The following SGCZ variants were observed in gnomAD, a reference collection of about 807,000 sequenced individuals.
SGCZ encodes zeta-sarcoglycan.
In SGCZ, 40 loss-of-function variants were observed where a neutral mutation model predicts 41.3. The observed-to-expected ratio is 0.97, with a 90% CI of 0.75 to 1.26. The LOEUF is 1.26. Among genes scored for constraint, SGCZ ranks in the 50% most tolerant of loss-of-function variants. The probability of loss-of-function intolerance (pLI) is 0.00; values close to 1 mark genes in which losing one functional copy is unlikely to be tolerated. For missense variants in SGCZ, 552 were observed against 369.8 expected, an observed-to-expected ratio of 1.49 and a Z score of -4.04; for synonymous variants, 206 against 137.5, an observed-to-expected ratio of 1.50 and a Z score of -3.49.
intron 1 of SGCZ, among the ~76,000 whole-genome samples, chr8:14,827,916 C>G (rs1201632385): frequency 6.6e-6 from 1 of 152,060 alleles, no homozygotes; most frequent in Non-Finnish European, 1.5e-5. Context: ...TACAAGGGAT[C>G]TTCAAATCAT....
intron 1 of SGCZ, among the ~76,000 whole-genome samples, chr8:14,880,635 G>A (rs1406737824): frequency 2.6e-5 from 4 of 152,244 alleles, no homozygotes; most frequent in Admixed American, 6.5e-5. Context: ...GAAAAACGAT[G>A]AGTTCATGTC....
chr8:14,344,216 C>A (rs1460658643), intron 2 of SGCZ, among the ~76,000 whole-genome samples: 1 of 151,680 alleles, frequency 6.6e-6, no homozygotes, highest in Non-Finnish European at 1.5e-5. Context: ...TAGAGGAGAC[C>A]AGTAGACCTT....
chr8:14,394,209 G>T (rs1309100148), intron 2 of SGCZ, among the ~76,000 whole-genome samples: 3 of 143,362 alleles, frequency 2.1e-5, no homozygotes. Flanking sequence ...GGAGTGCAGT[G>T]GCATGATCTC....
At chr8:14,326,120 A>AAAAAAAAAAAAC in intron 2 of SGCZ, among the ~76,000 whole-genome samples, 1 of 146,646 alleles carries the variant, frequency 6.8e-6, no homozygotes, top group Non-Finnish European at 1.5e-5. Flanking sequence ...TCAAAAAAAA[A>AAAAAAAAAAAAC]AAAAAAAAAA....
chr8:14,404,010 G>A (rs570780145), intron 2 of SGCZ, among the ~76,000 whole-genome samples: 19 of 152,108 alleles, frequency 1.2e-4, no homozygotes, highest in Admixed American at 8.5e-4. Flanking sequence ...GAGAAACAAG[G>A]AAAGAGAGAA....
intron 1 of SGCZ, among the ~76,000 whole-genome samples, chr8:14,893,270 T>A (rs1443956817): frequency 6.6e-6 from 1 of 152,004 alleles, no homozygotes; most frequent in South Asian, 2.1e-4. Flanking sequence ...AGCAAAGGAA[T>A]GTGGGGAGCT....
At chr8:14,900,391 C>T (rs1798933141) in intron 1 of SGCZ, among the ~76,000 whole-genome samples, 1 of 152,094 alleles carries the variant, frequency 6.6e-6, no homozygotes, top group African/African-American at 2.4e-5. Context: ...AGGCTGAAAG[C>T]TACCCCACAG....
chr8:15,231,729 C>A (rs1258637855), intron 1 of SGCZ, among the ~76,000 whole-genome samples: 1 of 142,108 alleles, frequency 7.0e-6, no homozygotes, highest in Non-Finnish European at 1.5e-5. Context: ...TCAAGCAATT[C>A]TCTCGCCTCA....
intron 1 of SGCZ, among the ~76,000 whole-genome samples, chr8:15,076,997 C>G (rs746647792): frequency 6.6e-6 from 1 of 152,020 alleles, no homozygotes; most frequent in South Asian, 2.1e-4. Flanking sequence ...ATAATTGCAG[C>G]GTGTCTCAAA....
chr8:14,248,722 G>T (rs889816602), intron 3 of SGCZ, among the ~76,000 whole-genome samples: 4 of 148,688 alleles, frequency 2.7e-5, no homozygotes, highest in African/African-American at 9.9e-5. Context: ...TTTCATTTAT[G>T]ATAATTACAT....
chr8:14,085,793 T>G lies in SGCZ; in HGVS notation c.*4650A>C, dbSNP rs1223959345. ...TGAAACAAAAGCATTCCTTAATTTATACAACTCAGGATCCTCCAAGAAGGA... is the reference window on the plus strand; with the variant it reads ...TGAAACAAAAGCATTCCTTAATTTAGACAACTCAGGATCCTCCAAGAAGGA... On this transcript the variant is annotated 3_prime_UTR_variant, in exon 8 of 8. Transcript: ENST00000382080. Among the ~76,000 whole-genome samples, 4 of 151,814 alleles carry G rather than the reference T, an allele frequency of 2.6e-5. No homozygotes were observed. Among genetic ancestry groups the G allele is most frequent in the Non-Finnish European group, 5.9e-5 (4 of 67,818 alleles).
intron 2 of SGCZ, among the ~76,000 whole-genome samples, chr8:14,481,127 A>G (rs1344573509): frequency 6.6e-6 from 1 of 152,166 alleles, no homozygotes; most frequent in Non-Finnish European, 1.5e-5. Flanking sequence ...AAATAACCCA[A>G]TTAAATAATG....
intron 1 of SGCZ, among the ~76,000 whole-genome samples, chr8:14,906,019 G>T (rs2130768430): frequency 6.6e-6 from 1 of 152,084 alleles, no homozygotes; most frequent in Non-Finnish European, 1.5e-5. Flanking sequence ...AATATATAAA[G>T]TATATCAAAA....
At chr8:15,020,660 T>C (rs1803216471) in intron 1 of SGCZ, among the ~76,000 whole-genome samples, 1 of 152,218 alleles carries the variant, frequency 6.6e-6, no homozygotes, top group South Asian at 2.1e-4. Flanking sequence ...TGCTCCTTTC[T>C]AATAGAGTGA....
intron 1 of SGCZ, among the ~76,000 whole-genome samples, chr8:14,575,913 C>T (rs78206491): frequency 8.5e-4 from 85 of 99,952 alleles, no homozygotes; most frequent in Non-Finnish European, 1.2e-3. Flanking sequence ...CTCAAAATAA[C>T]AAAAAAAAAA....
In SGCZ at chr8:14,553,239, A is replaced by T. The variant is rs145172835; in HGVS notation, c.234+1493T>A. On this transcript the variant is annotated intron_variant, in intron 2 of 7. Coordinates refer to ENST00000382080, the MANE Select transcript of SGCZ (RefSeq NM_139167.4). The stretch of plus-strand genomic sequence containing the variant: ...GATATTTGTGTCAAAATATTCCCAA[A>T]TGAGAGGGTAAAGTGAGCCAACTCT... Among the ~76,000 whole-genome samples, 473 of 152,108 alleles carry T rather than the reference A, an allele frequency of 3.1e-3. 4 individuals are homozygous for T. The highest frequency in any genetic ancestry group is 0.011 in the African/African-American group (456 of 41,524).
intron 2 of SGCZ, among the ~76,000 whole-genome samples, chr8:14,538,038 T>G (rs1803349852): frequency 6.6e-6 from 1 of 151,956 alleles, no homozygotes; most frequent in African/African-American, 2.4e-5. Context: ...CCACTAACGT[T>G]AATTAGGCCC....
intron 1 of SGCZ, among the ~76,000 whole-genome samples, chr8:15,046,298 A>G (rs1456436460): frequency 2.0e-5 from 3 of 152,102 alleles, no homozygotes; most frequent in South Asian, 4.1e-4. Context: ...TTAGTAAAAC[A>G]AATATTTGTA....
chr8:14,407,690 G>C (rs1383503700), intron 2 of SGCZ, among the ~76,000 whole-genome samples: 1 of 152,142 alleles, frequency 6.6e-6, no homozygotes, highest in African/African-American at 2.4e-5. Flanking sequence ...AACTGAGAAA[G>C]GCTGTCAATA....
Sources: allele counts gnomAD v4.1 joint callset (sites outside exome capture counted in the v4.1 genomes callset), GRCh38; gene constraint gnomAD v4.1.1; transcripts MANE v1.5; gene names NCBI Gene and HGNC (gene_info 2026-07-23, HGNC 2026-07-21).